COL6A5: variants seen among roughly 807,000 people sequenced by gnomAD.
COL6A5 encodes collagen alpha-5(VI) chain.
Under a neutral mutation model 65.6 loss-of-function variants are expected in COL6A5, and 48 were observed. The ratio of observed to expected loss-of-function variants is 0.73; its 90% CI spans 0.58 to 0.93. The LOEUF (loss-of-function observed/expected upper bound fraction) is 0.93. COL6A5 is among the 40% of genes least tolerant of loss of function. COL6A5 has a pLI of 0.00. For synonymous variants in COL6A5, 291 were observed against 322.8 expected (o/e 0.90, Z 1.05); for missense variants, 914 against 928.3 (o/e 0.98, Z 0.20).
rs189099351 is a variant in COL6A5, at chr3:130,433,121, T to C, written c.487+1172T>C. 2.2e-4 allele frequency among the ~76,000 whole-genome samples: 33 copies of C among 152,260 alleles called. 1 individual carries two copies. Among genetic ancestry groups the C allele is most frequent in the African/African-American group, 7.7e-4 (32 of 41,570 alleles). On this transcript the variant is annotated intron_variant, in intron 1 of 7. Transcript: ENST00000512836. ...GTTCCTAACACATCCAAGCGTTTTT[T>C]GGAAATAGGAGCCACAGAGAGTTAC...
chr3:130,390,227 C>G (rs1054573267), intron 6 of COL6A5, among the ~76,000 whole-genome samples: 6 of 152,090 alleles, frequency 3.9e-5, no homozygotes, highest in African/African-American at 1.2e-4. Flanking sequence ...GAGGCCCTGT[C>G]TACAGCATAA....
At chr3:130,365,542 G>C (rs762923952) in intron 1 of COL6A5, among the ~76,000 whole-genome samples, 4 of 152,200 alleles carry the variant, frequency 2.6e-5, no homozygotes, top group Non-Finnish European at 5.9e-5. Flanking sequence ...CTCCCAAAGT[G>C]CTGGGATTAC....
chr3:130,428,575 G>A (rs11926934), upstream of COL6A5, among the ~76,000 whole-genome samples: 16,596 of 152,192 alleles, frequency 0.11, 983 homozygotes, highest in South Asian at 0.19. Context: ...TTCCCCCTAA[G>A]TCACCCAGCT....
intron 5 of COL6A5, among the ~76,000 whole-genome samples, chr3:130,456,745 GTAGT>G (rs1327203130): frequency 5.3e-5 from 8 of 152,134 alleles, no homozygotes; most frequent in South Asian, 2.1e-4. Context: ...GTATCATATG[GTAGT>G]TAGAGTACAT....
intron 5 of COL6A5, among the ~76,000 whole-genome samples, chr3:130,458,519 A>G (rs191011971): frequency 1.7e-4 from 26 of 152,146 alleles, no homozygotes; most frequent in African/African-American, 5.8e-4. Flanking sequence ...GGACTCAGCA[A>G]TCTGGGTTTT....
At chr3:130,416,890 A>G (rs866343866) in intron 24 of COL6A5, 71 bp downstream of exon 24, 22 of 836,616 alleles carry the variant, frequency 2.6e-5, no homozygotes, top group Non-Finnish European at 3.7e-5. Context: ...TAATAATTGC[A>G]TATTTTTATG....
chr3:130,470,797 A>T, intron 6 of COL6A5, 74 bp from the exon 39 acceptor site: 1 of 1,108,516 alleles, frequency 9.0e-7, no homozygotes, highest in Non-Finnish European at 1.4e-6. Flanking sequence ...CCACGTGAAA[A>T]CATGATCTGA....
At chr3:130,437,995 T>TTTTTG (rs1390652636) in intron 1 of COL6A5, among the ~76,000 whole-genome samples, 1 of 152,020 alleles carries the variant, frequency 6.6e-6, no homozygotes, top group South Asian at 2.1e-4. Context: ...TTTGTTTGCT[T>TTTTTG]TTTTGTTTTG....
chr3:130,388,053 C>T lies in COL6A5; in HGVS notation c.1862-527C>T, dbSNP rs1936260541. ...AGTATATGCTTACTGAAGCACTTAT[C>T]TCTAGTAAAAACTTTTTCTCCAATT... On this transcript the variant is annotated intron_variant and NMD_transcript_variant, in intron 5 of 41. Coordinates refer to the COL6A5 transcript ENST00000312481. 2.0e-5 allele frequency among the ~76,000 whole-genome samples: 3 copies of T among 151,924 alleles called. No homozygotes were observed. In the South Asian group the frequency reaches 6.2e-4, roughly 31 times the overall value.
intron 7 of COL6A5, among the ~76,000 whole-genome samples, chr3:130,481,005 T>C (rs1227861853): frequency 6.6e-6 from 1 of 152,032 alleles, no homozygotes; most frequent in Non-Finnish European, 1.5e-5. Context: ...GCTGCAGAGA[T>C]TTCCTGAGCT....
intron 13 of COL6A5, among the ~76,000 whole-genome samples, chr3:130,404,976 G>A (rs963311580): frequency 6.6e-6 from 1 of 152,202 alleles, no homozygotes; most frequent in Non-Finnish European, 1.5e-5. Flanking sequence ...TTTTACTTTA[G>A]CATTTACCTG....
intron 4 of COL6A5, among the ~76,000 whole-genome samples, chr3:130,450,513 T>A (rs190658476): frequency 6.6e-6 from 1 of 152,268 alleles, no homozygotes; most frequent in East Asian, 1.9e-4. Context: ...AGAATAGCTT[T>A]GTGGGTGTCT....
intron 20 of COL6A5, 57 bp from the exon 21 acceptor site, chr3:130,413,488 C>T (rs1360622802): frequency 6.7e-7 from 1 of 1,493,062 alleles, no homozygotes; most frequent in Non-Finnish European, 9.1e-7. Flanking sequence ...TGATTTGCCT[C>T]AAGGAACCCC....
intron 3 of COL6A5, 101 bp downstream of exon 3, chr3:130,376,937 A>C: frequency 3.0e-6 from 4 of 1,312,896 alleles, no homozygotes; most frequent in Non-Finnish European, 4.1e-6. Context: ...ATGATTAGCC[A>C]TGTTGAAGTA....
chr3:130,409,948 C>T (rs1209597678), intron 18 of COL6A5, 61 bp from the exon 19 acceptor site: 30 of 1,180,620 alleles, frequency 2.5e-5, no homozygotes, highest in Non-Finnish European at 2.6e-5. Flanking sequence ...AACATCATAC[C>T]GTTTTGGGGA....
intron 1 of COL6A5, among the ~76,000 whole-genome samples, chr3:130,362,320 ATATATATTTTTTT>A (rs766829893): frequency 3.3e-3 from 10 of 3,058 alleles, no homozygotes; most frequent in South Asian, 0.016. Context: ...ATATATATAT[ATATATATTTTTTT>A]TTTTTTTTTT....
intron 1 of COL6A5, among the ~76,000 whole-genome samples, chr3:130,352,153 G>T (rs1934744179): frequency 6.6e-6 from 1 of 152,126 alleles, no homozygotes; most frequent in African/African-American, 2.4e-5. Flanking sequence ...ACTGGGGCCT[G>T]TCAGCAGGTG....
intron 7 of COL6A5, among the ~76,000 whole-genome samples, chr3:130,476,497 A>G (rs1270027386): frequency 6.6e-6 from 1 of 151,762 alleles, no homozygotes; most frequent in Non-Finnish European, 1.5e-5. Context: ...AGAATCACCT[A>G]GTTATTTTTT....
intron 1 of COL6A5, among the ~76,000 whole-genome samples, chr3:130,435,108 A>T (rs1937986223): frequency 6.6e-6 from 1 of 152,004 alleles, no homozygotes; most frequent in Non-Finnish European, 1.5e-5. Context: ...TCTTGAGTTG[A>T]TTTTTGTATA....
Sources: allele counts gnomAD v4.1 joint callset (sites outside exome capture counted in the v4.1 genomes callset), GRCh38; gene constraint gnomAD v4.1.1; transcripts MANE v1.5; gene names NCBI Gene and HGNC (gene_info 2026-07-23, HGNC 2026-07-21).